Variants in SPIDR observed in about 807,000 individuals in gnomAD.
The protein encoded by SPIDR is scaffold protein involved in DNA repair, also known as DNA repair-scaffolding protein.
A neutral mutation model predicts 104.6 loss-of-function variants in SPIDR; 93 were observed. The observed-to-expected ratio is 0.89, with a 90% CI of 0.75 to 1.06. The LOEUF is 1.06. Ranked by LOEUF, SPIDR falls within the 50% of genes least tolerant of loss-of-function variation. SPIDR has a pLI of 0.00. For missense variants in SPIDR, 1,154 were observed against 1,111.2 expected, an observed-to-expected ratio of 1.04 and a Z score of -0.55; for synonymous variants, 431 against 416.9, an observed-to-expected ratio of 1.03 and a Z score of -0.41.
chr8:47,703,438 CA>C (rs1589352383), intron 14 of SPIDR, among the ~76,000 whole-genome samples: 2 of 152,194 alleles, frequency 1.3e-5, no homozygotes, highest in African/African-American at 4.8e-5. Flanking sequence ...CCATCTGCAT[CA>C]GGGGTAGTGG....
intron 6 of SPIDR, among the ~76,000 whole-genome samples, chr8:47,406,244 TATC>T (rs1451210159): frequency 3.3e-5 from 5 of 152,202 alleles, no homozygotes; most frequent in Non-Finnish European, 2.9e-5. Context: ...CTAGGTATAT[TATC>T]AAGACTAAGA....
chr8:47,391,403 G>A (rs73565226), intron 5 of SPIDR, among the ~76,000 whole-genome samples: 2,763 of 151,878 alleles, frequency 0.018, 103 homozygotes, highest in African/African-American at 0.064. Context: ...AGCCAGGTAT[G>A]GTGGCACACA....
chr8:47,565,693 A>C (rs1009094308), intron 8 of SPIDR, among the ~76,000 whole-genome samples: 1 of 151,406 alleles, frequency 6.6e-6, no homozygotes, highest in South Asian at 2.1e-4. Context: ...ATTTTACATT[A>C]TGCTTTTTTA....
rs776231813 is a variant in SPIDR, at chr8:47,727,294, G to A, written c.2435+1G>A. 3 of 1,613,872 alleles carry A rather than the reference G, an allele frequency of 1.9e-6. No individual in the cohort carries two copies. The highest frequency in any genetic ancestry group is 2.5e-6 in the Non-Finnish European group (3 of 1,179,814). Reference sequence around the variant, plus strand: ...GATTGGAACAGAGGCCGGAAGACAGGTAAGGGGACAGGAGCTGTCCTGAAA... The same window carrying A: ...GATTGGAACAGAGGCCGGAAGACAGATAAGGGGACAGGAGCTGTCCTGAAA... On this transcript the variant is annotated splice_donor_variant, in intron 17 of 19. Transcript: ENST00000297423. LOFTEE classifies it high-confidence loss of function.
At chr8:47,674,091 T>G (rs1458485090) in intron 11 of SPIDR, 150 bp downstream of exon 11, 10 of 830,676 alleles carry the variant, frequency 1.2e-5, no homozygotes, top group Admixed American at 3.2e-5. Context: ...TTGAGTGGAA[T>G]CTATAAAGTA....
chr8:47,347,561 A>G (rs2052395821), intron 5 of SPIDR, among the ~76,000 whole-genome samples: 1 of 152,150 alleles, frequency 6.6e-6, no homozygotes, highest in Non-Finnish European at 1.5e-5. Context: ...AAAGTCTCCC[A>G]TTATTATTGT....
intron 8 of SPIDR, among the ~76,000 whole-genome samples, chr8:47,558,723 T>C (rs1308828834): frequency 6.6e-6 from 1 of 152,096 alleles, no homozygotes; most frequent in East Asian, 1.9e-4. Flanking sequence ...CAGTGCAAGC[T>C]CCGCCTCCTG....
chr8:47,579,617 C>T (rs967651753), intron 8 of SPIDR, among the ~76,000 whole-genome samples: 1 of 152,160 alleles, frequency 6.6e-6, no homozygotes, highest in Non-Finnish European at 1.5e-5. Context: ...ACCACAGGGA[C>T]CCTTGTACAG....
chr8:47,448,675 T>G (rs2071140899), intron 8 of SPIDR, among the ~76,000 whole-genome samples: 1 of 151,278 alleles, frequency 6.6e-6, no homozygotes, highest in Non-Finnish European at 1.5e-5. Flanking sequence ...CCTGTGTTTA[T>G]GTGTGTGTGT....
intron 5 of SPIDR, chr8:47,357,870 G>C: frequency 8.1e-6 from 8 of 984,854 alleles, no homozygotes; most frequent in Non-Finnish European, 9.6e-6. Flanking sequence ...GCCACATGAA[G>C]GTCAGTAAAT....
intron 5 of SPIDR, among the ~76,000 whole-genome samples, chr8:47,384,684 C>T (rs1039037494): frequency 2.0e-5 from 3 of 152,146 alleles, no homozygotes; most frequent in African/African-American, 4.8e-5. Flanking sequence ...TAGACAGATG[C>T]GGGGCTTCCC....
intron 8 of SPIDR, among the ~76,000 whole-genome samples, chr8:47,566,145 T>C (rs2154403586): frequency 6.6e-6 from 1 of 151,060 alleles, no homozygotes; most frequent in Admixed American, 6.6e-5. Flanking sequence ...TAGCTGGGAC[T>C]ACAGGCATGA....
chr8:47,570,159 C>T (rs2058343827), intron 8 of SPIDR, among the ~76,000 whole-genome samples: 1 of 152,158 alleles, frequency 6.6e-6, no homozygotes, highest in South Asian at 2.1e-4. Flanking sequence ...AGGACTCACC[C>T]TTTCCAATTT....
intron 5 of SPIDR, among the ~76,000 whole-genome samples, chr8:47,295,812 G>T (rs1431355835): frequency 1.3e-5 from 2 of 152,042 alleles, no homozygotes; most frequent in African/African-American, 4.8e-5. Context: ...CCCAGAAGTG[G>T]GATTACTAGA....
chr8:47,353,202 G>T (rs2053889403), intron 5 of SPIDR, among the ~76,000 whole-genome samples: 1 of 151,848 alleles, frequency 6.6e-6, no homozygotes. Flanking sequence ...TATTTTTTCT[G>T]AAAGTGTGTA....
chr8:47,716,439 T>C (rs1345318774), intron 16 of SPIDR, among the ~76,000 whole-genome samples: 1 of 152,254 alleles, frequency 6.6e-6, no homozygotes, highest in East Asian at 1.9e-4. Flanking sequence ...TTTTCTCTTC[T>C]GTGCATCTCC....
intron 8 of SPIDR, among the ~76,000 whole-genome samples, chr8:47,501,374 GA>G (rs1244166514): frequency 6.6e-6 from 1 of 152,024 alleles, no homozygotes; most frequent in Non-Finnish European, 1.5e-5. Context: ...TTGTAAGTTG[GA>G]TTCCTAGGTA....
chr8:47,695,259 C>T (rs934963200), intron 11 of SPIDR, among the ~76,000 whole-genome samples: 3 of 152,038 alleles, frequency 2.0e-5, no homozygotes, highest in African/African-American at 7.2e-5. Context: ...CTAAAGTATT[C>T]CACTATCCAA....
intron 10 of SPIDR, chr8:47,659,822 T>C (rs1481579240): frequency 4.2e-6 from 3 of 716,534 alleles, no homozygotes; most frequent in African/African-American, 1.9e-5. Flanking sequence ...GGCAGGTCTT[T>C]GTTGATCTTT....
Sources: gnomAD v4.1 joint callset for allele counts (sites outside exome capture counted in the v4.1 genomes callset) on GRCh38, gnomAD v4.1.1 for gene constraint, MANE v1.5 for transcripts, NCBI Gene and HGNC (gene_info 2026-07-23, HGNC 2026-07-21) for gene names.